The following ROBO1 variants were observed in gnomAD, a reference collection of about 807,000 sequenced individuals.
The protein encoded by ROBO1 is roundabout guidance receptor 1.
ROBO1 carries 149 observed loss-of-function variants against 195.9 expected under a neutral mutation model. The observed-to-expected ratio is 0.76, with a 90% CI of 0.67 to 0.87. The LOEUF is 0.87. ROBO1 is among the 40% of genes least tolerant of loss of function. The probability of loss-of-function intolerance (pLI) is 0.00; values close to 1 mark genes in which losing one functional copy is unlikely to be tolerated. For missense variants in ROBO1, 1,933 were observed against 2,068.3 expected (o/e 0.93, Z 1.27); for synonymous variants, 816 against 733.2 (o/e 1.11, Z -1.82).
At chr3:79,475,325 C>T (rs375730284) in intron 2 of ROBO1, among the ~76,000 whole-genome samples, 51 of 152,042 alleles carry the variant, frequency 3.4e-4, no homozygotes, top group African/African-American at 3.4e-4. Flanking sequence ...GTTTAGTCTA[C>T]ATGTAGATAA....
intron 2 of ROBO1, among the ~76,000 whole-genome samples, chr3:79,411,363 G>T: frequency 6.6e-6 from 1 of 152,022 alleles, no homozygotes; most frequent in Non-Finnish European, 1.5e-5. Flanking sequence ...AATTGTGGAG[G>T]TATTGCATTT....
chr3:79,123,654 G>C (rs2080162490), intron 3 of ROBO1, among the ~76,000 whole-genome samples: 1 of 151,924 alleles, frequency 6.6e-6, no homozygotes, highest in Admixed American at 6.6e-5. Flanking sequence ...GTTAAAGACA[G>C]TTACAGTCTC....
intron 2 of ROBO1, among the ~76,000 whole-genome samples, chr3:79,574,841 T>G (rs1288009714): frequency 6.6e-6 from 1 of 151,600 alleles, no homozygotes; most frequent in African/African-American, 2.4e-5. Flanking sequence ...AATCAAATTT[T>G]ATTTATAATT....
intron 2 of ROBO1, among the ~76,000 whole-genome samples, chr3:79,142,119 G>C (rs944976536): frequency 2.0e-5 from 3 of 152,042 alleles, no homozygotes; most frequent in African/African-American, 7.2e-5. Context: ...AAATAAAATA[G>C]CTATTTTTAA....
At chr3:79,222,773 T>A (rs2082162759) in intron 2 of ROBO1, among the ~76,000 whole-genome samples, 1 of 152,126 alleles carries the variant, frequency 6.6e-6, no homozygotes, top group Non-Finnish European at 1.5e-5. Flanking sequence ...TAATATAAAT[T>A]AGAAAAATAC....
intron 4 of ROBO1, among the ~76,000 whole-genome samples, chr3:78,843,395 G>A (rs775962394): frequency 2.0e-5 from 3 of 152,024 alleles, no homozygotes; most frequent in Non-Finnish European, 4.4e-5. Context: ...CTCAGCAAAA[G>A]ACTGTTAAGG....
intron 1 of ROBO1, among the ~76,000 whole-genome samples, chr3:79,609,877 G>C (rs1451504036): frequency 2.0e-5 from 3 of 151,818 alleles, no homozygotes; most frequent in African/African-American, 7.3e-5. Context: ...TGTTTAAAGG[G>C]TATATGATTT....
Position 78,688,672 on chromosome 3 carries a change from A to G in ROBO1, c.1146T>C (p.Ile382=). The part of the protein sequence containing the change: ...CEATGNPQPA[I]FWRREGSQNL... ...CCTGACTCCCTTCTCTCCTCCAGAA[A>G]ATAGCTGGTTGAGGATTTCCGGTTG... The change falls in exon 9 of 31, where the codon ATT becomes ATC. Residue 382 remains isoleucine (I), a synonymous_variant. Coordinates refer to ENST00000464233, the MANE Select transcript of ROBO1 (RefSeq NM_002941.4). 1 of 1,605,526 alleles carries G rather than the reference A, an allele frequency of 6.2e-7. No homozygotes were observed. The highest frequency in any genetic ancestry group is 8.5e-7 in the Non-Finnish European group (1 of 1,175,582).
intron 1 of ROBO1, among the ~76,000 whole-genome samples, chr3:79,614,014 T>C (rs987437920): frequency 6.6e-5 from 10 of 151,964 alleles, no homozygotes; most frequent in Non-Finnish European, 1.0e-4. Context: ...TTAAAATGCA[T>C]AAAGAAAAAA....
At chr3:79,428,842 T>G (rs1416536086) in intron 2 of ROBO1, among the ~76,000 whole-genome samples, 1 of 151,728 alleles carries the variant, frequency 6.6e-6, no homozygotes, top group East Asian at 1.9e-4. Context: ...TTTCAAATAC[T>G]CTATGTTAAG....
At chr3:79,541,845 GGA>G (rs1166792320) in intron 2 of ROBO1, among the ~76,000 whole-genome samples, 3 of 147,664 alleles carry the variant, frequency 2.0e-5, no homozygotes, top group South Asian at 2.1e-4. Flanking sequence ...ATATATATAT[GGA>G]GAGAGAGAGA....
chr3:79,471,398 T>C (rs1938261511), intron 2 of ROBO1, among the ~76,000 whole-genome samples: 1 of 152,166 alleles, frequency 6.6e-6, no homozygotes, highest in Non-Finnish European at 1.5e-5. Context: ...TTGCAGACTA[T>C]ACCACATGCT....
intron 4 of ROBO1, among the ~76,000 whole-genome samples, chr3:78,835,759 C>T (rs439325): frequency 0.6 from 91,623 of 151,958 alleles, 27,851 homozygotes; most frequent in East Asian, 0.76. Flanking sequence ...GTAGTAAGAC[C>T]GCCAAATTGA....
At chr3:79,467,276 T>A (rs985771926) in intron 2 of ROBO1, among the ~76,000 whole-genome samples, 1 of 152,034 alleles carries the variant, frequency 6.6e-6, no homozygotes, top group East Asian at 2.0e-4. Flanking sequence ...ACCAGTGATA[T>A]AGACAGAAGA....
chr3:79,505,967 T>C (rs1940369402), intron 2 of ROBO1, among the ~76,000 whole-genome samples: 1 of 152,150 alleles, frequency 6.6e-6, no homozygotes, highest in Admixed American at 6.5e-5. Flanking sequence ...ATCAGTGGCA[T>C]TTGTGGAAGA....
At chr3:79,645,504 A>C (rs896239888) in intron 1 of ROBO1, among the ~76,000 whole-genome samples, 1 of 152,022 alleles carries the variant, frequency 6.6e-6, no homozygotes, top group African/African-American at 2.4e-5. Context: ...TCTGTCTCTA[A>C]AATAAATAAA....
At chr3:79,492,740 T>C (rs1240499655) in intron 2 of ROBO1, among the ~76,000 whole-genome samples, 1 of 152,104 alleles carries the variant, frequency 6.6e-6, no homozygotes, top group African/African-American at 2.4e-5. Flanking sequence ...ATATAATGTA[T>C]TAGCATTGCA....
intron 26 of ROBO1, among the ~76,000 whole-genome samples, chr3:78,624,110 G>A (rs746088953): frequency 2.6e-5 from 4 of 152,180 alleles, no homozygotes; most frequent in East Asian, 1.9e-4. Context: ...AGATAACAAC[G>A]TGAAAAAATG....
chr3:78,877,523 T>C (rs2035927837), intron 4 of ROBO1, among the ~76,000 whole-genome samples: 1 of 152,126 alleles, frequency 6.6e-6, no homozygotes, highest in Non-Finnish European at 1.5e-5. Context: ...AAACAGATAT[T>C]CAGATATCTT....
Sources: gnomAD v4.1 joint callset for allele counts (sites outside exome capture counted in the v4.1 genomes callset) on GRCh38, gnomAD v4.1.1 for gene constraint, MANE v1.5 for transcripts, NCBI Gene and HGNC (gene_info 2026-07-23, HGNC 2026-07-21) for gene names.